APC: variants seen among roughly 807,000 people sequenced by gnomAD.
APC encodes the protein adenomatous polyposis coli protein.
A neutral mutation model predicts 247.0 loss-of-function variants in APC; 72 were observed. The ratio of observed to expected loss-of-function variants is 0.29; its 90% CI spans 0.24 to 0.35. APC has a LOEUF of 0.35. Among genes scored for constraint, APC ranks in the 10% least tolerant of loss-of-function variants. The pLI is 1.00. For synonymous variants in APC, 1,254 were observed against 1,162.5 expected, an observed-to-expected ratio of 1.08 and a Z score of -1.60; for missense variants, 3,400 against 3,360.7, an observed-to-expected ratio of 1.01 and a Z score of -0.29.
intron 5 of APC, among the ~76,000 whole-genome samples, chr5:112,776,570 G>C (rs1228637684): frequency 6.6e-6 from 1 of 152,156 alleles, no homozygotes; most frequent in African/African-American, 2.4e-5. Flanking sequence ...CATGGTGGAG[G>C]CTTATGCCTG....
intron 4 of APC, among the ~76,000 whole-genome samples, chr5:112,770,041 C>G (rs953374734): frequency 6.6e-6 from 1 of 152,170 alleles, no homozygotes; most frequent in Non-Finnish European, 1.5e-5. Context: ...CCTTTCCTTA[C>G]TTGCTTTCTT....
At chr5:112,765,433 AAATCAGT>A (rs1467902611) in intron 2 of APC, among the ~76,000 whole-genome samples, 6 of 152,190 alleles carry the variant, frequency 3.9e-5, no homozygotes, top group African/African-American at 1.4e-4. Context: ...CTGTCAAGAT[AAATCAGT>A]GAAACCGTCT....
chr5:112,718,494 C>G (rs557769831), intron 1 of APC, among the ~76,000 whole-genome samples: 2 of 152,348 alleles, frequency 1.3e-5, no homozygotes, highest in East Asian at 3.9e-4. Flanking sequence ...GCTGTTTTCA[C>G]TGCAGTCCTC....
At chr5:112,819,396 A>G in intron 10 of APC, 52 bp downstream of exon 10, 1 of 1,610,724 alleles carries the variant, frequency 6.2e-7, no homozygotes, top group Non-Finnish European at 8.5e-7. Flanking sequence ...CAAATGTGAA[A>G]TTTTTAAACA....
At chr5:112,717,919 T>TTTTTTTTTTTTTTTTTTTTTTTTTTTG (rs1342129579) in intron 1 of APC, among the ~76,000 whole-genome samples, 1 of 129,052 alleles carries the variant, frequency 7.7e-6, no homozygotes, top group Non-Finnish European at 1.6e-5. Context: ...TTTTTTTTTT[T>TTTTTTTTTTTTTTTTTTTTTTTTTTTG]TTTTTTTTTT....
intron 1 of APC, among the ~76,000 whole-genome samples, chr5:112,726,851 T>C (rs1050629965): frequency 2.6e-5 from 4 of 152,120 alleles, no homozygotes; most frequent in Non-Finnish European, 5.9e-5. Flanking sequence ...ATAAAGTAAA[T>C]ATGAAGTTTC....
intron 9 of APC, among the ~76,000 whole-genome samples, chr5:112,818,306 C>T (rs1158675999): frequency 6.6e-6 from 1 of 152,158 alleles, no homozygotes; most frequent in East Asian, 1.9e-4. Context: ...TAACTAAATA[C>T]GTAGAATTTA....
intron 7 of APC, among the ~76,000 whole-genome samples, 159 bp downstream of exon 7, chr5:112,792,688 T>A (rs1284357121): frequency 6.6e-6 from 1 of 152,224 alleles, no homozygotes; most frequent in South Asian, 2.1e-4. Context: ...TATCAAAGAT[T>A]TGGACTATTT....
chr5:112,792,666 G>C, intron 7 of APC, 137 bp downstream of exon 7: 2 of 671,666 alleles, frequency 3.0e-6, no homozygotes, highest in South Asian at 3.5e-5. Flanking sequence ...AATTTTTTTC[G>C]TGAAATTAAA....
rs1060504877 is a variant in APC, at chr5:112,837,739, C to T, written c.2145C>T (p.His715=). The T allele has an allele frequency of 2.5e-6, 4 of 1,614,106 alleles. No individual in the cohort carries two copies. The highest frequency in any genetic ancestry group is 2.5e-6 in the Non-Finnish European group (3 of 1,180,030). ...TCAAGAACCTCATTCATTCAAAGCA[C>T]AAAATGATTGCTATGGGAAGTGCTG... The part of the protein sequence containing the change: ...SMLKNLIHSK[H]KMIAMGSAAA... The change falls in exon 16 of 16, where the codon CAC becomes CAT. Residue 715 remains histidine, a synonymous_variant. Coordinates refer to ENST00000257430, the MANE Select transcript of APC (RefSeq NM_000038.6).
intron 1 of APC, among the ~76,000 whole-genome samples, chr5:112,722,341 A>G (rs537271921): frequency 1.3e-5 from 2 of 152,314 alleles, no homozygotes; most frequent in African/African-American, 4.8e-5. Context: ...CACCACAACA[A>G]TCGTTAACAT....
rs1554084025 is a variant in APC at position 112,837,817 on chromosome 5, T to C, written c.2223T>C (p.Asn741=). The C allele has an allele frequency of 6.2e-7, 1 of 1,614,038 alleles. No homozygotes were observed. The highest frequency in any genetic ancestry group is 8.5e-7 in the Non-Finnish European group (1 of 1,180,032). Reference sequence around the variant, plus strand: ...GGCCTGCGAAGTACAAGGATGCCAATATTATGTCTCCTGGCTCAAGCTTGC... The same window carrying C: ...GGCCTGCGAAGTACAAGGATGCCAACATTATGTCTCCTGGCTCAAGCTTGC... The part of the protein sequence containing the change: ...ANRPAKYKDA[N]IMSPGSSLPS... The change falls in exon 16 of 16, where the codon AAT becomes AAC. Residue 741 remains asparagine, a synonymous_variant. Transcript: ENST00000257430.
intron 12 of APC, among the ~76,000 whole-genome samples, chr5:112,827,700 A>G (rs1763843601): frequency 6.6e-6 from 1 of 152,240 alleles, no homozygotes; most frequent in South Asian, 2.1e-4. Context: ...ATTTCTCACC[A>G]CTTATTCACT....
chr5:112,794,400 A>T (rs1561505704), intron 7 of APC, among the ~76,000 whole-genome samples: 2 of 152,206 alleles, frequency 1.3e-5, no homozygotes, highest in East Asian at 3.8e-4. Context: ...CTTTTAAAAG[A>T]AAATATGTGC....
intron 1 of APC, among the ~76,000 whole-genome samples, chr5:112,742,829 G>A (rs1257598426): frequency 6.6e-6 from 1 of 152,118 alleles, no homozygotes; most frequent in African/African-American, 2.4e-5. Context: ...TAGGGTCAAA[G>A]AATTTATGAT....
At chr5:112,778,178 A>C in intron 5 of APC, 1 of 199,022 alleles carries the variant, frequency 5.0e-6, no homozygotes, top group South Asian at 1.0e-4. Context: ...ATGTAGTTTT[A>C]TTGGAGGCCA....
chr5:112,787,463 C>A (rs1009528257), intron 6 of APC, among the ~76,000 whole-genome samples: 6 of 152,070 alleles, frequency 3.9e-5, no homozygotes, highest in African/African-American at 1.4e-4. Flanking sequence ...TATGTCTTCT[C>A]CATCACTTGT....
intron 1 of APC, among the ~76,000 whole-genome samples, chr5:112,708,312 G>C (rs929056156): frequency 1.3e-5 from 2 of 152,212 alleles, no homozygotes; most frequent in Admixed American, 1.3e-4. Context: ...AGAAAGGGCT[G>C]TTATCCAAAG....
At chr5:112,777,799 CTG>C (rs1757829188) in intron 5 of APC, 1 of 256,384 alleles carries the variant, frequency 3.9e-6, no homozygotes. Context: ...CCACTGCTGT[CTG>C]TGGCACCAAT....
Sources: allele counts gnomAD v4.1 joint callset (sites outside exome capture counted in the v4.1 genomes callset), GRCh38; gene constraint gnomAD v4.1.1; transcripts MANE v1.5; gene names NCBI Gene and HGNC (gene_info 2026-07-23, HGNC 2026-07-21).